Variants in PCDHGB6 observed in about 807,000 individuals in gnomAD.
The protein encoded by PCDHGB6 is protocadherin gamma subfamily B, 6, also known as protocadherin gamma-B6.
A neutral mutation model predicts 59.1 loss-of-function variants in PCDHGB6; 51 were observed. That is an observed-to-expected ratio of 0.86 (90% confidence interval 0.69 to 1.09). PCDHGB6 has a LOEUF of 1.09. Among genes scored for constraint, PCDHGB6 ranks in the 50% least tolerant of loss-of-function variants. PCDHGB6 has a pLI of 0.00. For missense variants in PCDHGB6, 1,148 were observed against 1,205.1 expected, an observed-to-expected ratio of 0.95 and a Z score of 0.70; for synonymous variants, 466 against 495.1, an observed-to-expected ratio of 0.94 and a Z score of 0.78.
At chr5:141,456,949 C>A (rs1277351419) in intron 1 of PCDHGB6, among the ~76,000 whole-genome samples, 2 of 152,080 alleles carry the variant, frequency 1.3e-5, no homozygotes, top group East Asian at 3.9e-4. Flanking sequence ...GGCAACAGAG[C>A]AAAACTCCAT....
intron 1 of PCDHGB6, among the ~76,000 whole-genome samples, chr5:141,435,150 C>G (rs1256233613): frequency 6.6e-6 from 1 of 152,006 alleles, no homozygotes; most frequent in Non-Finnish European, 1.5e-5. Context: ...TTGTGATAAA[C>G]TTTTGTAAAT....
Position 141,410,487 on chromosome 5 carries a change from A to G in PCDHGB6, c.2285A>G (p.Lys762Arg). Reference sequence around the variant, plus strand: ...CTGTGCATTGCACATACGGGTACAAAAGAGTTTAATTTCCTAAAATGCAGT... The same window carrying G: ...CTGTGCATTGCACATACGGGTACAAGAGAGTTTAATTTCCTAAAATGCAGT... ...YNLCIAHTGTKEFNFLKCSVP... is the reference protein window; with the variant it reads ...YNLCIAHTGTREFNFLKCSVP... The change falls in exon 1 of 4, where the codon AAA (lysine) becomes AGA (arginine). Residue 762 changes from lysine (K) to arginine (R), a missense_variant. Lys to Arg is a conservative substitution (Grantham distance 26). This residue lies in a region of PCDHGB6 where 283 missense variants were observed against 318.6 expected (regional missense o/e 0.89). Coordinates refer to ENST00000520790, the MANE Select transcript of PCDHGB6 (RefSeq NM_018926.3). The G allele has an allele frequency of 6.2e-7, 1 of 1,613,970 alleles. No individual in the cohort carries two copies. The highest frequency in any genetic ancestry group is 8.5e-7 in the Non-Finnish European group (1 of 1,179,888).
chr5:141,468,680 C>T (rs1176643092), intron 1 of PCDHGB6: 1 of 151,074 alleles, frequency 6.6e-6, no homozygotes, highest in Non-Finnish European at 1.5e-5. Flanking sequence ...TCCTGGCTAA[C>T]ACGGTGAAAC....
intron 1 of PCDHGB6, chr5:141,414,700 A>G (rs886960965): frequency 6.2e-7 from 1 of 1,613,994 alleles, no homozygotes. Context: ...GTCCTCATAC[A>G]TATCCATCAA....
chr5:141,483,168 C>A (rs750259590), intron 1 of PCDHGB6, among the ~76,000 whole-genome samples: 3 of 152,104 alleles, frequency 2.0e-5, no homozygotes, highest in Non-Finnish European at 4.4e-5. Context: ...CCTGAGTTAC[C>A]TTTGGGCCAA....
rs370067669 is a variant in PCDHGB6 at position 141,419,410 on chromosome 5, G to A, written c.2418+8790G>A. ...CGCAGAGCGGGGTGGTGTTCGCGCA[G>A]CGCGCCTTCGACCACGAGCAGCTGC... On this transcript the variant is annotated intron_variant, in intron 1 of 3. Coordinates refer to ENST00000520790, the MANE Select transcript of PCDHGB6 (RefSeq NM_018926.3). 140 of 1,613,468 alleles carry A rather than the reference G, an allele frequency of 8.7e-5. No individual in the cohort carries two copies. In the African/African-American group the frequency reaches 1.8e-3, roughly 20 times the overall value.
rs2095403267 is a variant in PCDHGB6 at position 141,410,523 on chromosome 5, A to G, written c.2321A>G (p.His774Arg). Residue 774 changes from histidine to arginine, a missense_variant, in exon 1 of 4, where the codon CAT becomes CGT. His to Arg is a conservative substitution (Grantham distance 29). Around this residue, in one of 5 missense-constraint regions of PCDHGB6, gnomAD observed 283 missense variants for 318.6 expected, o/e 0.89. Coordinates refer to ENST00000520790, the MANE Select transcript of PCDHGB6 (RefSeq NM_018926.3). ...FNFLKCSVPL[H>R]SNEDMVCSVS... ...TTCCTAAAATGCAGTGTGCCCCTAC[A>G]TTCCAATGAAGACATGGTTTGCAGT... 1.9e-6 allele frequency: 3 copies of G among 1,613,800 alleles called. No individual in the cohort carries two copies. The highest frequency in any genetic ancestry group is 2.2e-5 in the South Asian group (2 of 91,082).
chr5:141,497,544 T>C (rs1410779650), intron 2 of PCDHGB6, among the ~76,000 whole-genome samples: 4 of 150,796 alleles, frequency 2.7e-5, no homozygotes, highest in African/African-American at 9.8e-5. Flanking sequence ...ACAAACCTTT[T>C]TTTTTTTTTT....
Position 141,511,186 on chromosome 5 carries a change from G to A in PCDHGB6, c.*13G>A. 1 of 1,613,906 alleles carries A rather than the reference G, an allele frequency of 6.2e-7. No individual in the cohort carries two copies. The highest frequency in any genetic ancestry group is 8.5e-7 in the Non-Finnish European group (1 of 1,179,890). ...GGAGAAGAAGTAACATGGAGGCCAG[G>A]CCAAGAGCCACAGGGCGGCCTCTCC... On this transcript the variant is annotated 3_prime_UTR_variant, in exon 4 of 4. Transcript: ENST00000520790.
At chr5:141,430,873 G>C (rs2097319709) in intron 1 of PCDHGB6, 1 of 1,598,842 alleles carries the variant, frequency 6.3e-7, no homozygotes, top group African/African-American at 1.3e-5. Flanking sequence ...TTCCGGAAGA[G>C]CTGGAGAAAG....
At chr5:141,434,194 GTACT>G (rs527775432) in intron 1 of PCDHGB6, among the ~76,000 whole-genome samples, 169 of 152,308 alleles carry the variant, frequency 1.1e-3, no homozygotes, top group African/African-American at 3.9e-3. Flanking sequence ...TAATTCCAAT[GTACT>G]TACTTCTGTC....
chr5:141,410,235 G>T lies in PCDHGB6; in HGVS notation c.2033G>T (p.Arg678Leu), dbSNP rs753193390. The T allele has an allele frequency of 6.2e-7, 1 of 1,613,852 alleles. No homozygotes were observed. Among genetic ancestry groups the T allele is most frequent in the Non-Finnish European group, 8.5e-7 (1 of 1,179,882 alleles). ...GAGATACTGCCAGACCTCAGCGACC[G>T]CCCTGTACTCTCTGACCCCCAGGCT... ...LQEILPDLSD[R>L]PVLSDPQAEL... The change falls in exon 1 of 4, where the codon CGC (arginine) becomes CTC (leucine). Residue 678 changes from arginine to leucine, a missense_variant. Around this residue, in one of 5 missense-constraint regions of PCDHGB6, gnomAD observed 5 missense variants for 18.8 expected, o/e 0.27. Coordinates refer to ENST00000520790, the MANE Select transcript of PCDHGB6 (RefSeq NM_018926.3).
intron 1 of PCDHGB6, among the ~76,000 whole-genome samples, chr5:141,461,119 C>T (rs959427669): frequency 6.6e-6 from 1 of 152,016 alleles, no homozygotes; most frequent in Admixed American, 6.6e-5. Flanking sequence ...GTGTCTTTTT[C>T]ATATAATTAC....
Position 141,489,068 on chromosome 5 carries a change from G to GGCC in PCDHGB6, c.2419-5739_2419-5738insGCC. The GGCC allele has an allele frequency of 3.4e-6, 1 of 291,556 alleles. No individual in the cohort carries two copies. The allele number at this position is 291,556 out of a possible 1,614,324, so 18.1% of individuals were successfully genotyped here. A position where few individuals can be genotyped will look rare whatever the true frequency, so the allele number is the denominator to read the frequency against. ...CTCAAATTCAGCTCCCCTCCCCCCT[G>GGCC]CCCACCCCCGCCACTCGGTGACTAA... On this transcript the variant is annotated intron_variant, in intron 1 of 3. Coordinates refer to ENST00000520790, the MANE Select transcript of PCDHGB6 (RefSeq NM_018926.3). The surrounding 1 kb of genome is among the most constrained non-coding windows in gnomAD (Gnocchi z 4.5).
chr5:141,478,164 C>T, intron 1 of PCDHGB6: 1 of 1,614,010 alleles, frequency 6.2e-7, no homozygotes, highest in Non-Finnish European at 8.5e-7. Context: ...GGCTCTGCCC[C>T]CCGGGAGCAG....
chr5:141,423,053 T>C lies in PCDHGB6; in HGVS notation c.2418+12433T>C, dbSNP rs200154593. 1.4e-4 allele frequency: 219 copies of C among 1,614,170 alleles called. 1 individual carries two copies. The African/African-American group carries it at 2.5e-3, about 18-fold the overall frequency. ...CAGAACGCCTGGCTGTCCTATCGCCTGCTTAAGGCCAGCGAGCCGGGACTC... is the reference window on the plus strand; with the variant it reads ...CAGAACGCCTGGCTGTCCTATCGCCCGCTTAAGGCCAGCGAGCCGGGACTC... On this transcript the variant is annotated intron_variant, in intron 1 of 3. Coordinates refer to ENST00000520790, the MANE Select transcript of PCDHGB6 (RefSeq NM_018926.3).
intron 1 of PCDHGB6, chr5:141,427,240 C>G (rs1447231420): frequency 1.3e-5 from 6 of 456,536 alleles, no homozygotes; most frequent in Non-Finnish European, 2.6e-5. Context: ...AGAGTAGAAG[C>G]TAAGGATGGT....
chr5:141,469,762 A>G (rs547099941), intron 1 of PCDHGB6, among the ~76,000 whole-genome samples: 15 of 152,360 alleles, frequency 9.8e-5, no homozygotes, highest in African/African-American at 3.4e-4. Flanking sequence ...ATACATATAT[A>G]CCAGCTTATT....
Position 141,485,436 on chromosome 5 carries a change from A to G in PCDHGB6, c.2419-9371A>G, listed in dbSNP as rs2099613369. On this transcript the variant is annotated intron_variant, in intron 1 of 3. Transcript: ENST00000520790. This position sits in a 1 kb window ranked among gnomAD's most constrained non-coding sequence, Gnocchi z 5.7. ...GACAGCGGAGCCCTGCTCATCAAGA[A>G]CCCAATCGACCGAGAGGCACTGTGT... 1.9e-6 allele frequency: 3 copies of G among 1,614,092 alleles called. No individual in the cohort carries two copies. The highest frequency in any genetic ancestry group is 2.7e-5 in the African/African-American group (2 of 74,934).
Sources: allele counts gnomAD v4.1 joint callset (sites outside exome capture counted in the v4.1 genomes callset), GRCh38; gene constraint gnomAD v4.1.1; regional missense constraint gnomAD v4.1.1; non-coding constraint Gnocchi (gnomAD v3.1); transcripts MANE v1.5; gene names NCBI Gene and HGNC (gene_info 2026-07-23, HGNC 2026-07-21).